Variants in TEDC1 observed in about 807,000 individuals in gnomAD.
TEDC1 encodes the protein tubulin epsilon and delta complex protein 1.
TEDC1 carries 54 observed loss-of-function variants against 59.9 expected under a neutral mutation model. The observed-to-expected ratio is 0.90, with a 90% confidence interval of 0.72 to 1.13. TEDC1 has a LOEUF of 1.13. Ranked by LOEUF, TEDC1 falls within the 50% of genes most tolerant of loss-of-function variation. The pLI is 0.00. For missense variants in TEDC1, 734 were observed against 683.4 expected, an observed-to-expected ratio of 1.07 and a Z score of -0.83; for synonymous variants, 353 against 298.1, an observed-to-expected ratio of 1.18 and a Z score of -1.90.
At chr14:105,492,405 C>G in intron 3 of TEDC1, 96 bp downstream of exon 3, 2 of 1,535,166 alleles carry the variant, frequency 1.3e-6, no homozygotes, top group Non-Finnish European at 1.8e-6. Flanking sequence ...GTCTGCTTTG[C>G]TCCTCAGGGC....
rs587735279 is a variant in TEDC1, at chr14:105,499,140, A to G, written c.*194A>G. The G allele has an allele frequency of 7.9e-6, 5 of 632,428 alleles. No homozygotes were observed. Among genetic ancestry groups the G allele is most frequent in the East Asian group, 5.5e-5 (2 of 36,206 alleles). 39.2% of individuals were successfully genotyped at this position (632,428 alleles called of 1,614,324 possible). On this transcript the variant is annotated 3_prime_UTR_variant, in exon 9 of 9. Coordinates refer to ENST00000392523, the MANE Select transcript of TEDC1 (RefSeq NM_001367178.1). ...GCCTGTGGCTAGCAGCACTGGGGAC[A>G]GGAATGGCTGGTCCCTTGAGGAGGT...
At chr14:105,496,991 G>T (rs2084361230) in intron 6 of TEDC1, 1 of 359,112 alleles carries the variant, frequency 2.8e-6, no homozygotes, top group African/African-American at 2.2e-5. Context: ...CAGAGGTCTA[G>T]GCTTGAGAGG....
At chr14:105,494,746 C>G (rs1295059384) in intron 5 of TEDC1, 1 of 152,410 alleles carries the variant, frequency 6.6e-6, no homozygotes, top group Admixed American at 6.5e-5. Flanking sequence ...TCCTCGCACC[C>G]TGCTGCTGGC....
intron 6 of TEDC1, chr14:105,496,691 C>G (rs2084354651): frequency 6.3e-6 from 1 of 158,018 alleles, no homozygotes; most frequent in African/African-American, 2.4e-5. Flanking sequence ...ATTCTCCAGC[C>G]GCCTGTCTGT....
chr14:105,498,253 C>T (rs782767664), intron 8 of TEDC1, among the ~76,000 whole-genome samples: 4 of 152,124 alleles, frequency 2.6e-5, no homozygotes, highest in South Asian at 2.1e-4. Context: ...TGCTCCCATG[C>T]GTCCGCCACA....
chr14:105,496,149 T>TGGGGGGGGGGG, intron 6 of TEDC1, 63 bp downstream of exon 6: 1 of 81,276 alleles, frequency 1.2e-5, no homozygotes. Flanking sequence ...TGGGAGGGGG[T>TGGGGGGGGGGG]GGCGAGGGGG....
chr14:105,494,707 C>T (rs1260254653), intron 5 of TEDC1: 5 of 152,260 alleles, frequency 3.3e-5, no homozygotes, highest in Non-Finnish European at 7.3e-5. Context: ...TTGACCTAGC[C>T]CCAGGCATCT....
chr14:105,498,959 G>C lies in TEDC1; in HGVS notation c.*13G>C, dbSNP rs781993072. Reference sequence around the variant, plus strand: ...ACCTGGACGCTGAGGGCCTGTCGACGGGCCCTCGTGTGGGAAGCCTGCCCT... The same window carrying C: ...ACCTGGACGCTGAGGGCCTGTCGACCGGCCCTCGTGTGGGAAGCCTGCCCT... On this transcript the variant is annotated 3_prime_UTR_variant, in exon 9 of 9. Coordinates refer to ENST00000392523, the MANE Select transcript of TEDC1 (RefSeq NM_001367178.1). The C allele has an allele frequency of 1.3e-6, 2 of 1,585,478 alleles. No individual in the cohort carries two copies. The highest frequency in any genetic ancestry group is 2.7e-5 in the African/African-American group (2 of 74,470).
At chr14:105,496,121 G>T (rs937761662) in intron 6 of TEDC1, 35 bp downstream of exon 6, 60 of 1,225,978 alleles carry the variant, frequency 4.9e-5, no homozygotes, top group African/African-American at 9.5e-5. Context: ...AGTGGAGACC[G>T]CAGGACTTGG....
intron 5 of TEDC1, 27 bp downstream of exon 5, chr14:105,493,960 G>C (rs782625454): frequency 3.6e-6 from 3 of 843,596 alleles, no homozygotes; most frequent in South Asian, 3.1e-5. Flanking sequence ...TGCTGCGGGG[G>C]GGTGGGGGTG....
intron 6 of TEDC1, 171 bp downstream of exon 6, chr14:105,496,257 T>G: frequency 5.1e-4 from 324 of 632,902 alleles, no homozygotes; most frequent in Non-Finnish European, 7.5e-4. Flanking sequence ...GAAGCGGCCG[T>G]ACCCATGGTG....
At chr14:105,496,204 A>G in intron 6 of TEDC1, 118 bp downstream of exon 6, 1 of 996,384 alleles carries the variant, frequency 1.0e-6, no homozygotes, top group Non-Finnish European at 1.4e-6. Context: ...CCTGGCCCTT[A>G]CCTTCTTGGG....
chr14:105,493,776 C>A, intron 4 of TEDC1, 59 bp from the exon 5 acceptor site: 1 of 1,245,210 alleles, frequency 8.0e-7, no homozygotes, highest in East Asian at 2.4e-5. Context: ...CATGGAGACT[C>A]AGCGTTGGGG....
upstream of TEDC1, chr14:105,491,101 G>T (rs1219710740): frequency 2.8e-5 from 43 of 1,551,376 alleles, no homozygotes; most frequent in Admixed American, 9.8e-5. Flanking sequence ...GTGATTGGAT[G>T]CATGTCCGGC....
rs782567711 is a variant in TEDC1, at chr14:105,498,731, G to GCCCAGC, written c.1278_1283dup (p.Gln426_Pro427dup). 3.9e-5 allele frequency: 61 copies of GCCCAGC among 1,556,152 alleles called. No homozygotes were observed. The highest frequency in any genetic ancestry group is 5.1e-5 in the Non-Finnish European group (59 of 1,150,450). On this transcript the variant is annotated inframe_insertion, in exon 9 of 9. Coordinates refer to ENST00000392523, the MANE Select transcript of TEDC1 (RefSeq NM_001367178.1). Reference sequence around the variant, plus strand: ...GTGCTGGGAGCGAGACGGTGGCCCGGCCCAGCCCCATGGGCCACACCGGCT... The same window carrying GCCCAGC: ...GTGCTGGGAGCGAGACGGTGGCCCGGCCCAGCCCCAGCCCCATGGGCCACACCGGCT...
rs1485157632 is a variant in TEDC1 at position 105,496,050 on chromosome 14, G to A, written c.855G>A (p.Gly285=). The A allele has an allele frequency of 1.7e-5, 26 of 1,524,628 alleles. No individual in the cohort carries two copies. The highest frequency in any genetic ancestry group is 2.6e-5 in the East Asian group (1 of 38,652). 94.4% of individuals were successfully genotyped at this position (1,524,628 alleles called of 1,614,324 possible). ...GDWAAPLDPG[G]ASACSLLSPF... Reference sequence around the variant, plus strand: ...GGGCAGCACCCTTGGATCCTGGTGGGGCCTCAGCCTGCAGCCTGCTCTCCC... The same window carrying A: ...GGGCAGCACCCTTGGATCCTGGTGGAGCCTCAGCCTGCAGCCTGCTCTCCC... Residue 285 remains glycine, a synonymous_variant, in exon 6 of 9, where the codon GGG becomes GGA. Transcript: ENST00000392523.
chr14:105,491,404 C>T lies in TEDC1; in HGVS notation c.29C>T (p.Pro10Leu). The change falls in exon 1 of 9, where the codon CCC (proline) becomes CTC (leucine). Residue 10 changes from proline to leucine, a missense_variant. Transcript: ENST00000392523. ...GGGAGGCGGCGGCAGCGGGTGGACC[C>T]CGCGGCTGGGGCCCGGGCCGGGGCC... is the stretch of plus-strand genomic sequence containing the variant. MGRRRQRVD[P>L]AAGARAGALP... 1.4e-6 allele frequency: 2 copies of T among 1,417,946 alleles called. No individual in the cohort carries two copies. Among genetic ancestry groups the T allele is most frequent in the Non-Finnish European group, 1.8e-6 (2 of 1,095,524 alleles). 87.8% of individuals were successfully genotyped at this position (1,417,946 alleles called of 1,614,324 possible). A position where few individuals can be genotyped will look rare whatever the true frequency, so the allele number is the denominator to read the frequency against.
rs587716044 is a variant in TEDC1 at position 105,492,011 on chromosome 14, C to G, written c.227-96C>G. On this transcript the variant is annotated intron_variant, in intron 2 of 8. Coordinates refer to ENST00000392523, the MANE Select transcript of TEDC1 (RefSeq NM_001367178.1). ...CATCTCTTCTGAACTAGGCCTTGAGCTTCTGCTCAAGTGACCTGTGGGGGT... is the reference window on the plus strand; with the variant it reads ...CATCTCTTCTGAACTAGGCCTTGAGGTTCTGCTCAAGTGACCTGTGGGGGT... The G allele has an allele frequency of 2.7e-5, 35 of 1,296,480 alleles. No homozygotes were observed. The African/African-American group carries it at 4.5e-4, about 17-fold the overall frequency. 80.3% of individuals were successfully genotyped at this position (1,296,480 alleles called of 1,614,324 possible).
At chr14:105,490,872 C>G (rs1228936873), upstream of TEDC1, 14 of 784,980 alleles carry the variant, frequency 1.8e-5, no homozygotes, top group Non-Finnish European at 2.5e-5. Flanking sequence ...TGCTAGGTTG[C>G]CAAGGGGCGT....
Sources: gnomAD v4.1 joint callset for allele counts (sites outside exome capture counted in the v4.1 genomes callset) on GRCh38, gnomAD v4.1.1 for gene constraint, MANE v1.5 for transcripts, NCBI Gene and HGNC (gene_info 2026-07-23, HGNC 2026-07-21) for gene names.